The following RFX3 variants were observed in gnomAD, a reference collection of about 807,000 sequenced individuals.
The protein encoded by RFX3 is regulatory factor X3.
Under a neutral mutation model 98.6 loss-of-function variants are expected in RFX3, and 14 were observed. That is an observed-to-expected ratio of 0.14 (90% confidence interval 0.09 to 0.22). RFX3 has a LOEUF of 0.22. Among genes scored for constraint, RFX3 ranks in the 10% least tolerant of loss-of-function variants. RFX3 has a pLI of 1.00. For synonymous variants in RFX3, 383 were observed against 328.4 expected (o/e 1.17, Z -1.80); for missense variants, 639 against 926.9 (o/e 0.69, Z 4.03).
chr9:3,265,442 C>T (rs1823500689), intron 12 of RFX3, among the ~76,000 whole-genome samples: 1 of 152,198 alleles, frequency 6.6e-6, no homozygotes, highest in South Asian at 2.1e-4. Context: ...AATTGCTCAA[C>T]TCTGCCCCCC....
intron 6 of RFX3, among the ~76,000 whole-genome samples, chr9:3,288,682 C>A (rs1826953051): frequency 1.3e-5 from 2 of 151,818 alleles, no homozygotes; most frequent in African/African-American, 4.8e-5. Context: ...GTATATAGAA[C>A]AAAGAAAAAA....
At chr9:3,368,531 T>C (rs1837462880) in intron 2 of RFX3, among the ~76,000 whole-genome samples, 1 of 152,182 alleles carries the variant, frequency 6.6e-6, no homozygotes, top group Non-Finnish European at 1.5e-5. Context: ...ATTGAAATAA[T>C]TTAAAGATAA....
At chr9:3,374,547 T>C (rs1381676224) in intron 2 of RFX3, among the ~76,000 whole-genome samples, 1 of 152,148 alleles carries the variant, frequency 6.6e-6, no homozygotes, top group Non-Finnish European at 1.5e-5. Flanking sequence ...AAAAGGAAAT[T>C]CTGATACATG....
At chr9:3,424,412 A>G (rs865827610) in intron 1 of RFX3, among the ~76,000 whole-genome samples, 208 of 111,028 alleles carry the variant, frequency 1.9e-3, no homozygotes, top group South Asian at 9.8e-3. Context: ...CCCAGGCTGG[A>G]GTGCAGTGGC....
chr9:3,247,880 G>A, intron 15 of RFX3, 152 bp downstream of exon 15: 2 of 1,608,770 alleles, frequency 1.2e-6, no homozygotes, highest in Non-Finnish European at 1.7e-6. Flanking sequence ...AGGAATTTAA[G>A]GAACTCTTGC....
At chr9:3,246,927 G>T in intron 15 of RFX3, 1 of 409,276 alleles carries the variant, frequency 2.4e-6, no homozygotes, top group Non-Finnish European at 3.3e-6. Flanking sequence ...TTCTAGGCAA[G>T]TTTGACATGC....
At chr9:3,525,499 G>C (rs1450824533) in intron 1 of RFX3, among the ~76,000 whole-genome samples, 1 of 151,868 alleles carries the variant, frequency 6.6e-6, no homozygotes, top group African/African-American at 2.4e-5. Context: ...GCCGGCGCAG[G>C]GCCGGGGCCG....
intron 1 of RFX3, among the ~76,000 whole-genome samples, chr9:3,515,881 T>C (rs764392350): frequency 6.6e-6 from 1 of 152,166 alleles, no homozygotes; most frequent in Admixed American, 6.5e-5. Flanking sequence ...TTTAAATCAA[T>C]AATTACAATC....
At chr9:3,514,873 T>C (rs759203595) in intron 1 of RFX3, among the ~76,000 whole-genome samples, 3 of 152,212 alleles carry the variant, frequency 2.0e-5, no homozygotes, top group Non-Finnish European at 2.9e-5. Flanking sequence ...AAAATACATA[T>C]TGTGCTTTTA....
At chr9:3,448,422 T>C (rs911319782) in intron 1 of RFX3, among the ~76,000 whole-genome samples, 1 of 152,192 alleles carries the variant, frequency 6.6e-6, no homozygotes, top group Non-Finnish European at 1.5e-5. Flanking sequence ...CCAAATCCAT[T>C]TGCTACATCA....
intron 1 of RFX3, among the ~76,000 whole-genome samples, chr9:3,520,160 A>G (rs1818564272): frequency 2.0e-5 from 3 of 152,202 alleles, no homozygotes; most frequent in African/African-American, 4.8e-5. Flanking sequence ...CTGTAGGACT[A>G]TATTTTTAAA....
chr9:3,405,530 A>G (rs1395796160), intron 1 of RFX3, among the ~76,000 whole-genome samples: 1 of 152,182 alleles, frequency 6.6e-6, no homozygotes, highest in Non-Finnish European at 1.5e-5. Flanking sequence ...CTGCTGTTAC[A>G]TGCCTTGGGG....
At chr9:3,413,003 T>C (rs1210157696) in intron 1 of RFX3, among the ~76,000 whole-genome samples, 1 of 152,090 alleles carries the variant, frequency 6.6e-6, no homozygotes, top group Non-Finnish European at 1.5e-5. Flanking sequence ...ACTTCTTTAA[T>C]TGGTTAAAGC....
chr9:3,408,891 T>G (rs1842225313), intron 1 of RFX3, among the ~76,000 whole-genome samples: 1 of 152,200 alleles, frequency 6.6e-6, no homozygotes. Flanking sequence ...CTAGGTCTAC[T>G]TTGCCAAAAA....
chr9:3,483,921 T>C (rs1362750900), intron 1 of RFX3, among the ~76,000 whole-genome samples: 1 of 152,130 alleles, frequency 6.6e-6, no homozygotes, highest in Non-Finnish European at 1.5e-5. Flanking sequence ...ACGAAACAAG[T>C]TCACCACCCC....
intron 15 of RFX3, among the ~76,000 whole-genome samples, chr9:3,231,636 G>A (rs1163737192): frequency 2.6e-5 from 4 of 152,018 alleles, no homozygotes; most frequent in East Asian, 1.9e-4. Context: ...CAATTGCATG[G>A]GTTTATGGCA....
intron 2 of RFX3, among the ~76,000 whole-genome samples, chr9:3,393,726 A>AT (rs1195619188): frequency 1.3e-5 from 2 of 152,162 alleles, no homozygotes; most frequent in African/African-American, 4.8e-5. Flanking sequence ...ATGGTTAAAA[A>AT]ATATATATAA....
chr9:3,503,776 C>G (rs1816306638), intron 1 of RFX3, among the ~76,000 whole-genome samples: 1 of 152,090 alleles, frequency 6.6e-6, no homozygotes. Context: ...GATAGCTATG[C>G]TATATAAACA....
chr9:3,349,187 T>C (rs1159804525), intron 2 of RFX3, among the ~76,000 whole-genome samples: 1 of 152,084 alleles, frequency 6.6e-6, no homozygotes, highest in East Asian at 1.9e-4. Context: ...GCTCTTATGG[T>C]ACAAATTTTG....
Sources: gnomAD v4.1 joint callset for allele counts (sites outside exome capture counted in the v4.1 genomes callset) on GRCh38, gnomAD v4.1.1 for gene constraint, MANE v1.5 for transcripts, NCBI Gene and HGNC (gene_info 2026-07-23, HGNC 2026-07-21) for gene names.